ERC2: variants seen among roughly 807,000 people sequenced by gnomAD.
The protein encoded by ERC2 is ERC protein 2.
In ERC2, 42 loss-of-function variants were observed where a neutral mutation model predicts 114.8. The ratio of observed to expected loss-of-function variants is 0.37; its 90% CI spans 0.29 to 0.47. The LOEUF is 0.47. ERC2 is among the 20% of genes least tolerant of loss of function. The pLI, the probability that ERC2 is intolerant of heterozygous loss-of-function variation, is 0.99. For synonymous variants in ERC2, 454 were observed against 425.5 expected, an observed-to-expected ratio of 1.07 and a Z score of -0.82; for missense variants, 939 against 1,150.7, an observed-to-expected ratio of 0.82 and a Z score of 2.66.
intron 3 of ERC2, among the ~76,000 whole-genome samples, chr3:56,186,094 C>A (rs1560329763): frequency 1.9e-5 from 2 of 105,920 alleles, no homozygotes; most frequent in African/African-American, 7.3e-5. Context: ...GATTTGAAAG[C>A]ATATACATCT....
chr3:55,838,850 T>C (rs560765303), intron 14 of ERC2, among the ~76,000 whole-genome samples: 3 of 151,846 alleles, frequency 2.0e-5, no homozygotes, highest in African/African-American at 7.2e-5. Flanking sequence ...AATAAACCAG[T>C]TTCTTAAAAG....
intron 2 of ERC2, among the ~76,000 whole-genome samples, chr3:56,424,122 G>C (rs1427872573): frequency 1.3e-5 from 2 of 152,184 alleles, no homozygotes. Context: ...AATTCTCTGA[G>C]GATGCTGTCG....
At chr3:56,249,302 G>A (rs1360041814) in intron 3 of ERC2, among the ~76,000 whole-genome samples, 1 of 151,902 alleles carries the variant, frequency 6.6e-6, no homozygotes, top group African/African-American at 2.4e-5. Flanking sequence ...TCCTTGCTGG[G>A]CCACTTACAA....
At chr3:56,404,337 T>C (rs1204570767) in intron 2 of ERC2, among the ~76,000 whole-genome samples, 1 of 152,226 alleles carries the variant, frequency 6.6e-6, no homozygotes, top group Non-Finnish European at 1.5e-5. Context: ...AGAAATTCCC[T>C]ATTCGTATTG....
chr3:56,209,147 A>C (rs2048910581), intron 3 of ERC2, among the ~76,000 whole-genome samples: 1 of 150,868 alleles, frequency 6.6e-6, no homozygotes. Context: ...CTTTCACACC[A>C]CCCCCTTTTT....
At chr3:56,154,187 T>A (rs1380913047) in intron 4 of ERC2, among the ~76,000 whole-genome samples, 1 of 152,170 alleles carries the variant, frequency 6.6e-6, no homozygotes, top group Non-Finnish European at 1.5e-5. Context: ...CGTGGTTATA[T>A]GAGCCCAAGT....
At chr3:55,944,784 C>A (rs944087545) in intron 13 of ERC2, among the ~76,000 whole-genome samples, 2 of 152,070 alleles carry the variant, frequency 1.3e-5, no homozygotes, top group Non-Finnish European at 2.9e-5. Context: ...TTTTGGCTCG[C>A]GGAGGATTAT....
chr3:56,275,137 G>A (rs538724535), intron 3 of ERC2, among the ~76,000 whole-genome samples: 9 of 152,252 alleles, frequency 5.9e-5, no homozygotes, highest in African/African-American at 2.2e-4. Flanking sequence ...AGTTTCCCAA[G>A]CAATGGAAGG....
At chr3:56,219,689 A>G (rs2049766868) in intron 3 of ERC2, among the ~76,000 whole-genome samples, 1 of 151,648 alleles carries the variant, frequency 6.6e-6, no homozygotes, top group Non-Finnish European at 1.5e-5. Context: ...AAAAAAAAAA[A>G]AAGAAATGGG....
At chr3:56,005,982 A>G (rs2072455402) in intron 10 of ERC2, among the ~76,000 whole-genome samples, 1 of 152,042 alleles carries the variant, frequency 6.6e-6, no homozygotes, top group South Asian at 2.1e-4. Context: ...TCTTTTATTT[A>G]TTGTTCAAGA....
At chr3:56,312,449 A>C (rs979354243) in intron 2 of ERC2, among the ~76,000 whole-genome samples, 2 of 152,196 alleles carry the variant, frequency 1.3e-5, no homozygotes, top group Non-Finnish European at 2.9e-5. Context: ...AATGTATTGT[A>C]TATTTCAAAG....
At chr3:56,461,413 C>T (rs973537785) in intron 1 of ERC2, among the ~76,000 whole-genome samples, 1 of 152,256 alleles carries the variant, frequency 6.6e-6, no homozygotes, top group African/African-American at 2.4e-5. Context: ...CTGAAAGGCC[C>T]AGGCAGATGA....
chr3:56,416,152 T>C (rs140840208), intron 2 of ERC2, among the ~76,000 whole-genome samples: 1 of 152,304 alleles, frequency 6.6e-6, no homozygotes, highest in East Asian at 1.9e-4. Flanking sequence ...CTAACTTAAT[T>C]CCTAGTAGGG....
chr3:55,860,009 G>A (rs1175910213), intron 14 of ERC2, among the ~76,000 whole-genome samples: 1 of 152,024 alleles, frequency 6.6e-6, no homozygotes, highest in Non-Finnish European at 1.5e-5. Flanking sequence ...TTTAAAGCAC[G>A]TATTATGTTG....
At chr3:56,424,653 G>GAT (rs1400126420) in intron 2 of ERC2, among the ~76,000 whole-genome samples, 2 of 152,158 alleles carry the variant, frequency 1.3e-5, no homozygotes, top group Non-Finnish European at 2.9e-5. Flanking sequence ...ACTCATCTCT[G>GAT]AAAGGCATTT....
At chr3:55,538,660 T>C (rs1170056858) in intron 17 of ERC2, among the ~76,000 whole-genome samples, 2 of 152,160 alleles carry the variant, frequency 1.3e-5, no homozygotes, top group Non-Finnish European at 2.9e-5. Context: ...TTTCTTTCTG[T>C]CTCCTCAGGC....
intron 2 of ERC2, among the ~76,000 whole-genome samples, chr3:56,360,003 T>C (rs1241918581): frequency 6.6e-6 from 1 of 150,398 alleles, no homozygotes; most frequent in Non-Finnish European, 1.5e-5. Flanking sequence ...ATCCAAACCA[T>C]AGCAGCCAAT....
chr3:55,647,933 G>C (rs1167166803), intron 17 of ERC2, among the ~76,000 whole-genome samples: 1 of 152,180 alleles, frequency 6.6e-6, no homozygotes, highest in Non-Finnish European at 1.5e-5. Context: ...AGCAGAAGTG[G>C]GCTACTTGGG....
chr3:56,299,294 A>AT (rs968047611), intron 2 of ERC2, among the ~76,000 whole-genome samples: 8 of 150,760 alleles, frequency 5.3e-5, no homozygotes, highest in Non-Finnish European at 1.0e-4. Context: ...CGCCCAGCTA[A>AT]TTTTTTTGTA....
Sources: allele counts gnomAD v4.1 joint callset (sites outside exome capture counted in the v4.1 genomes callset), GRCh38; gene constraint gnomAD v4.1.1; transcripts MANE v1.5; gene names NCBI Gene and HGNC (gene_info 2026-07-23, HGNC 2026-07-21).